Variants in DGKI observed in about 807,000 individuals in gnomAD.
The protein encoded by DGKI is diacylglycerol kinase iota.
In DGKI, 55 loss-of-function variants were observed where a neutral mutation model predicts 147.5. That is an observed-to-expected ratio of 0.37 (90% CI 0.30 to 0.47). The LOEUF (loss-of-function observed/expected upper bound fraction) is 0.47, where lower values mean the gene tolerates loss of function less well. DGKI is among the 20% of genes least tolerant of loss of function. The probability of loss-of-function intolerance (pLI) is 1.00; values close to 1 mark genes in which losing one functional copy is unlikely to be tolerated. For synonymous variants in DGKI, 469 were observed against 477.1 expected (o/e 0.98, Z 0.22); for missense variants, 1,007 against 1,323.8 (o/e 0.76, Z 3.71).
intron 20 of DGKI, among the ~76,000 whole-genome samples, chr7:137,529,580 G>A (rs75391562): frequency 0.021 from 3,212 of 152,294 alleles, 144 homozygotes; most frequent in East Asian, 0.11. Context: ...TGCAGAGCAG[G>A]TTAACAAGTA....
intron 28 of DGKI, among the ~76,000 whole-genome samples, chr7:137,425,565 T>C (rs376536999): frequency 1.4e-4 from 21 of 152,122 alleles, no homozygotes; most frequent in East Asian, 5.8e-4. Context: ...CTTTGACGAG[T>C]TGAGAGAAGA....
intron 3 of DGKI, among the ~76,000 whole-genome samples, chr7:137,659,212 G>C (rs531297725): frequency 6.6e-6 from 1 of 152,232 alleles, no homozygotes; most frequent in African/African-American, 2.4e-5. Flanking sequence ...TGAGAAATCA[G>C]ATAATTACAG....
intron 1 of DGKI, among the ~76,000 whole-genome samples, chr7:137,809,997 G>A (rs759719226): frequency 2.0e-5 from 3 of 152,220 alleles, no homozygotes; most frequent in Non-Finnish European, 4.4e-5. Flanking sequence ...TGGTGCAGGA[G>A]TAAGAGGTTC....
rs567886759 is a variant in DGKI at position 137,552,864 on chromosome 7, G to A, written c.1948-296C>T. On this transcript the variant is annotated intron_variant, in intron 19 of 32. Coordinates refer to ENST00000614521, the MANE Select transcript of DGKI (RefSeq NM_001321708.2). ...TGGGAGGCAGAGGTTGCAGTGAGCC[G>A]AGGTCAAGCCGCTGCACTCCAGCAT... 1.3e-3 allele frequency among the ~76,000 whole-genome samples: 200 copies of A among 152,144 alleles called. 1 individual carries two copies. Among genetic ancestry groups the A allele is most frequent in the African/African-American group, 4.0e-3 (168 of 41,512 alleles).
intron 7 of DGKI, among the ~76,000 whole-genome samples, chr7:137,621,141 A>G (rs975709653): frequency 1.3e-4 from 20 of 152,198 alleles, no homozygotes; most frequent in African/African-American, 4.8e-4. Flanking sequence ...ATCATTAATC[A>G]AGCAATTGTA....
chr7:137,654,657 G>T, intron 5 of DGKI, 75 bp downstream of exon 5: 1 of 1,072,934 alleles, frequency 9.3e-7, no homozygotes, highest in South Asian at 1.3e-5. Context: ...TTTATTCCCT[G>T]GTGAATATCT....
intron 1 of DGKI, among the ~76,000 whole-genome samples, chr7:137,831,192 C>T (rs373580638): frequency 4.2e-4 from 64 of 152,288 alleles, no homozygotes; most frequent in African/African-American, 1.4e-3. Flanking sequence ...CTGGGCCATT[C>T]GCCAATGATA....
chr7:137,475,607 G>A (rs145782035), intron 23 of DGKI, among the ~76,000 whole-genome samples: 5 of 152,240 alleles, frequency 3.3e-5, no homozygotes, highest in African/African-American at 9.6e-5. Context: ...TTTTTAATGT[G>A]TATTTATTAA....
At chr7:137,833,447 CTATCATGAGATCAT>C (rs1180259353) in intron 1 of DGKI, among the ~76,000 whole-genome samples, 1 of 152,168 alleles carries the variant, frequency 6.6e-6, no homozygotes, top group African/African-American at 2.4e-5. Context: ...GACTTATTCA[CTATCATGAGATCAT>C]CAAGGGAAAG....
At chr7:137,542,139 C>G (rs973553763) in intron 20 of DGKI, among the ~76,000 whole-genome samples, 1 of 152,166 alleles carries the variant, frequency 6.6e-6, no homozygotes, top group Non-Finnish European at 1.5e-5. Context: ...GGGTGTGGAG[C>G]AACTGGAATG....
At chr7:137,759,929 A>G (rs535858470) in intron 1 of DGKI, among the ~76,000 whole-genome samples, 1 of 152,324 alleles carries the variant, frequency 6.6e-6, no homozygotes, top group Admixed American at 6.5e-5. Context: ...CTGAAAAACT[A>G]GAAACAAAAA....
chr7:137,642,929 A>AGTGC (rs1554447728), intron 6 of DGKI, among the ~76,000 whole-genome samples: 1 of 121,172 alleles, frequency 8.3e-6, no homozygotes, highest in Non-Finnish European at 1.7e-5. Flanking sequence ...ATTATGGAAT[A>AGTGC]GTGTGTGTGT....
chr7:137,489,855 T>C (rs1426167860), intron 21 of DGKI, among the ~76,000 whole-genome samples: 1 of 152,200 alleles, frequency 6.6e-6, no homozygotes, highest in Non-Finnish European at 1.5e-5. Flanking sequence ...GATTTCCTTC[T>C]ATTATCAGTG....
intron 1 of DGKI, among the ~76,000 whole-genome samples, chr7:137,752,437 C>G (rs1279707770): frequency 6.6e-6 from 1 of 151,944 alleles, no homozygotes; most frequent in African/African-American, 2.4e-5. Flanking sequence ...AGGAGACCAC[C>G]CCTCATATTG....
At position 137,429,090 on chromosome 7, in the gene DGKI, A is replaced by G. The variant is rs1264125827; in HGVS notation, c.2761+14987T>C. Among the ~76,000 whole-genome samples, 17 of 152,042 alleles carry G rather than the reference A, an allele frequency of 1.1e-4. No individual in the cohort carries two copies. In the South Asian group the frequency reaches 2.1e-3, roughly 19 times the overall value. ...ATGGAACCAAAAAAGAGCCCACATC[A>G]CCAAGTCAATCCTAAGCCAAAAGAA... On this transcript the variant is annotated intron_variant, in intron 28 of 32. Transcript: ENST00000614521.
chr7:137,501,525 T>C (rs1341363931), intron 21 of DGKI, among the ~76,000 whole-genome samples: 1 of 152,094 alleles, frequency 6.6e-6, no homozygotes, highest in South Asian at 2.1e-4. Flanking sequence ...ATTCAGTTGG[T>C]ATGATGCAAA....
chr7:137,425,034 C>T (rs1812735232), intron 28 of DGKI, among the ~76,000 whole-genome samples: 1 of 266 alleles, frequency 3.8e-3, no homozygotes, highest in Non-Finnish European at 6.3e-3. Context: ...TTGAAGAGAG[C>T]AGTGGTTCTC....
chr7:137,546,780 G>A (rs1400055873), intron 20 of DGKI, among the ~76,000 whole-genome samples: 3 of 152,100 alleles, frequency 2.0e-5, no homozygotes, highest in East Asian at 1.9e-4. Context: ...CTAGTTCCAC[G>A]GATCTCTCTG....
At chr7:137,694,922 A>G (rs1390781475) in intron 1 of DGKI, among the ~76,000 whole-genome samples, 1 of 152,160 alleles carries the variant, frequency 6.6e-6, no homozygotes, top group Non-Finnish European at 1.5e-5. Context: ...CCTACTTCAT[A>G]TTATATATGA....
Sources: allele counts gnomAD v4.1 joint callset (sites outside exome capture counted in the v4.1 genomes callset), GRCh38; gene constraint gnomAD v4.1.1; transcripts MANE v1.5; gene names NCBI Gene and HGNC (gene_info 2026-07-23, HGNC 2026-07-21).